The following PRKN variants were observed in gnomAD, a reference collection of about 807,000 sequenced individuals.
The protein encoded by PRKN is parkin RBR E3 ubiquitin protein ligase.
PRKN carries 56 observed loss-of-function variants against 59.5 expected under a neutral mutation model. The ratio of observed to expected loss-of-function variants is 0.94; its 90% CI spans 0.76 to 1.18. The LOEUF (loss-of-function observed/expected upper bound fraction) is 1.18. Among genes scored for constraint, PRKN ranks in the 50% most tolerant of loss-of-function variants. The pLI is 0.00. For synonymous variants in PRKN, 250 were observed against 222.1 expected (o/e 1.13, Z -1.12); for missense variants, 657 against 596.4 (o/e 1.10, Z -1.06).
At chr6:162,322,146 G>A (rs775266686) in intron 2 of PRKN, among the ~76,000 whole-genome samples, 18 of 151,838 alleles carry the variant, frequency 1.2e-4, no homozygotes, top group Non-Finnish European at 2.1e-4. Context: ...AATTATCTCG[G>A]TTATAAAGTC....
intron 9 of PRKN, among the ~76,000 whole-genome samples, chr6:161,422,643 T>A (rs1166325093): frequency 6.6e-6 from 1 of 150,704 alleles, no homozygotes; most frequent in East Asian, 1.9e-4. Context: ...GCTGAAAGAA[T>A]TATGAAGAAG....
At chr6:162,020,636 TC>T (rs1161096507) in intron 5 of PRKN, among the ~76,000 whole-genome samples, 2 of 152,106 alleles carry the variant, frequency 1.3e-5, no homozygotes, top group Non-Finnish European at 2.9e-5. Flanking sequence ...GAAAAGCATT[TC>T]AAAAAACATC....
chr6:161,604,879 G>A (rs895725357), intron 7 of PRKN, among the ~76,000 whole-genome samples: 4 of 152,240 alleles, frequency 2.6e-5, no homozygotes, highest in Non-Finnish European at 2.9e-5. Flanking sequence ...AGGTTGCAGC[G>A]AGCTGAAATG....
rs112065984 is a variant in PRKN, at chr6:161,353,248, G to A, written c.1286-3037C>T. Among the ~76,000 whole-genome samples, 2 of 152,242 alleles carry A rather than the reference G, an allele frequency of 1.3e-5. No homozygotes were observed. Among genetic ancestry groups the A allele is most frequent in the African/African-American group, 4.8e-5 (2 of 41,538 alleles). On this transcript the variant is annotated intron_variant, in intron 11 of 11. Coordinates refer to ENST00000366898, the MANE Select transcript of PRKN (RefSeq NM_004562.3). This position sits in a 1 kb window ranked among gnomAD's most constrained non-coding sequence, Gnocchi z 4.8. ...CTTTTACCAGCCCAGGGCAGGACTG[G>A]AACCATCCGCAGCTGTTCTGACTGT... is the stretch of plus-strand genomic sequence containing the variant.
Position 161,529,468 on chromosome 6 carries a change from G to C in PRKN, c.1083+19386C>G, listed in dbSNP as rs1310708132. ...AGAGGCCTCCTTTTGTAGAGGAACG[G>C]GAAACAGTGGCACAGGAAAGGTGAA... On this transcript the variant is annotated intron_variant, in intron 9 of 11. Coordinates refer to ENST00000366898, the MANE Select transcript of PRKN (RefSeq NM_004562.3). The surrounding 1 kb of genome is among the most constrained non-coding windows in gnomAD (Gnocchi z 4.4). Among the ~76,000 whole-genome samples, 1 of 152,158 alleles carries C rather than the reference G, an allele frequency of 6.6e-6. No individual in the cohort carries two copies. The highest frequency in any genetic ancestry group is 6.5e-5 in the Admixed American group (1 of 15,274).
At chr6:162,089,471 A>T (rs1289008483) in intron 4 of PRKN, among the ~76,000 whole-genome samples, 1 of 152,238 alleles carries the variant, frequency 6.6e-6, no homozygotes, top group East Asian at 1.9e-4. Context: ...AAATTGGTAC[A>T]GCCACTTTTA....
At chr6:162,713,879 A>C (rs1411718786) in intron 1 of PRKN, among the ~76,000 whole-genome samples, 3 of 152,234 alleles carry the variant, frequency 2.0e-5, no homozygotes, top group Non-Finnish European at 4.4e-5. Flanking sequence ...CAAATCAGTA[A>C]ATATTCTAAA....
At chr6:161,995,226 A>G (rs951133433) in intron 5 of PRKN, among the ~76,000 whole-genome samples, 2 of 152,172 alleles carry the variant, frequency 1.3e-5, no homozygotes, top group Non-Finnish European at 2.9e-5. Context: ...CAAGATGTAT[A>G]CAAGAAGAAT....
chr6:161,734,638 A>G (rs1787890591), intron 7 of PRKN, among the ~76,000 whole-genome samples: 1 of 152,214 alleles, frequency 6.6e-6, no homozygotes, highest in Non-Finnish European at 1.5e-5. Flanking sequence ...CTAAACATTT[A>G]GAGGAAATTT....
intron 7 of PRKN, among the ~76,000 whole-genome samples, chr6:161,759,903 T>G (rs1279426207): frequency 6.6e-6 from 1 of 152,130 alleles, no homozygotes; most frequent in Non-Finnish European, 1.5e-5. Flanking sequence ...TACTGATAGC[T>G]CACTGAGGTA....
chr6:161,450,844 CAT>C (rs1250543173), intron 9 of PRKN, among the ~76,000 whole-genome samples: 1,988 of 131,896 alleles, frequency 0.015, 41 homozygotes, highest in African/African-American at 0.048. Context: ...CGTGAGCCAC[CAT>C]GCCCGGCTTG....
chr6:162,403,525 C>A (rs985146781), intron 2 of PRKN, among the ~76,000 whole-genome samples: 1 of 152,118 alleles, frequency 6.6e-6, no homozygotes, highest in Non-Finnish European at 1.5e-5. Flanking sequence ...TGTCGTCAGC[C>A]TTTTCTCTTT....
At chr6:161,542,862 C>T (rs1779664322) in intron 9 of PRKN, among the ~76,000 whole-genome samples, 1 of 152,020 alleles carries the variant, frequency 6.6e-6, no homozygotes, top group Non-Finnish European at 1.5e-5. Flanking sequence ...CTGAAAACAT[C>T]ATATATTTGG....
intron 4 of PRKN, among the ~76,000 whole-genome samples, chr6:162,085,357 G>A (rs1174089342): frequency 6.6e-6 from 1 of 151,688 alleles, no homozygotes; most frequent in East Asian, 1.9e-4. Flanking sequence ...TTATATTAAT[G>A]AATAGCTTTC....
At chr6:162,107,047 GT>G (rs1173854274) in intron 4 of PRKN, among the ~76,000 whole-genome samples, 2 of 152,168 alleles carry the variant, frequency 1.3e-5, no homozygotes, top group Non-Finnish European at 2.9e-5. Context: ...TGCTCCAAGA[GT>G]CTCACTCAGA....
Position 162,000,900 on chromosome 6 carries a change from A to G in PRKN, c.619-27483T>C, listed in dbSNP as rs138511888. 4.1e-4 allele frequency among the ~76,000 whole-genome samples: 63 copies of G among 151,814 alleles called. No homozygotes were observed. The East Asian group carries it at 0.01, about 25-fold the overall frequency. ...TTGTTCCAATACCATTTGCTGAAAG[A>G]CTACACTTTCTCCATTGTATATTCT... On this transcript the variant is annotated intron_variant, in intron 5 of 11. Transcript: ENST00000366898.
At chr6:162,121,376 T>A (rs1275323009) in intron 4 of PRKN, among the ~76,000 whole-genome samples, 1 of 152,138 alleles carries the variant, frequency 6.6e-6, no homozygotes, top group East Asian at 1.9e-4. Flanking sequence ...GGATATACCC[T>A]CCAAGTTAAA....
At chr6:162,644,425 G>T (rs1778085797) in intron 1 of PRKN, among the ~76,000 whole-genome samples, 1 of 152,114 alleles carries the variant, frequency 6.6e-6, no homozygotes, top group African/African-American at 2.4e-5. Context: ...GATAGGGCTG[G>T]TGATCACCAT....
chr6:162,179,774 A>C (rs1458618301), intron 4 of PRKN, among the ~76,000 whole-genome samples: 1 of 152,096 alleles, frequency 6.6e-6, no homozygotes, highest in Non-Finnish European at 1.5e-5. Flanking sequence ...TCATGAGCTT[A>C]TGTATGTGCC....
Sources: gnomAD v4.1 joint callset for allele counts (sites outside exome capture counted in the v4.1 genomes callset) on GRCh38, gnomAD v4.1.1 for gene constraint, Gnocchi (gnomAD v3.1) non-coding constraint, MANE v1.5 for transcripts, NCBI Gene and HGNC (gene_info 2026-07-23, HGNC 2026-07-21) for gene names.